Variants in MON2 observed in about 807,000 individuals in gnomAD.
MON2 encodes the protein MON2 regulator of endosome-to-Golgi trafficking, also known as protein MON2 homolog.
A neutral mutation model predicts 208.6 loss-of-function variants in MON2; 84 were observed. That is an observed-to-expected ratio of 0.40 (90% CI 0.34 to 0.48). The LOEUF is 0.48. Ranked by LOEUF, MON2 falls within the 20% of genes least tolerant of loss-of-function variation. The pLI is 0.59. For missense variants in MON2, 1,611 were observed against 2,015.4 expected, an observed-to-expected ratio of 0.80 and a Z score of 3.84; for synonymous variants, 660 against 694.0, an observed-to-expected ratio of 0.95 and a Z score of 0.77.
Position 62,537,657 on chromosome 12 carries a change from A to G in MON2, c.2069A>G (p.His690Arg), listed in dbSNP as rs747277566. ...MRTLLNLAHC[H>R]GAVLGTSWQL... The stretch of plus-strand genomic sequence containing the variant: ...ACTTTACTTAACTTGGCGCATTGCC[A>G]TGGGGCTGTTCTTGGAACATCATGG... Residue 690 changes from histidine to arginine, a missense_variant, in exon 16 of 35, where the codon CAT becomes CGT. Physicochemically the swap from His to Arg is conservative, Grantham distance 29 (BLOSUM62 0). Transcript: ENST00000393630. The G allele has an allele frequency of 3.7e-6, 6 of 1,613,522 alleles. No homozygotes were observed. The highest frequency in any genetic ancestry group is 1.6e-4 in the Middle Eastern group (1 of 6,080).
intron 2 of MON2, among the ~76,000 whole-genome samples, chr12:62,493,047 A>G (rs538261730): frequency 6.6e-6 from 1 of 151,960 alleles, no homozygotes; most frequent in Non-Finnish European, 1.5e-5. Flanking sequence ...ATACACACAC[A>G]CAAACACACA....
In MON2 at chr12:62,495,110, C is replaced by G; in HGVS notation, c.398C>G (p.Thr133Arg). Residue 133 changes from threonine to arginine, a missense_variant, in exon 4 of 35, where the codon ACA becomes AGA. Physicochemically the swap from Thr to Arg is moderately conservative, Grantham distance 71 (BLOSUM62 -1). Coordinates refer to ENST00000393630, the MANE Select transcript of MON2 (RefSeq NM_015026.3). ...CTTCAAACAGTTCTTGTTCTTTTAA[C>G]AACCAATACAGTAGTTCATGATGAG... ...KLLQTVLVLL[T>R]TNTVVHDEAL... 6.2e-7 allele frequency: 1 copy of G among 1,612,904 alleles called. No homozygotes were observed.
At chr12:62,544,184 C>A (rs1248675809) in intron 20 of MON2, among the ~76,000 whole-genome samples, 1 of 152,136 alleles carries the variant, frequency 6.6e-6, no homozygotes, top group Non-Finnish European at 1.5e-5. Flanking sequence ...GTAGCTCACA[C>A]CTATAATCCC....
At chr12:62,572,314 T>A (rs2074622509) in intron 30 of MON2, among the ~76,000 whole-genome samples, 1 of 152,246 alleles carries the variant, frequency 6.6e-6, no homozygotes, top group African/African-American at 2.4e-5. Context: ...ATTTCCATCA[T>A]CACAGAAAGT....
Position 62,566,310 on chromosome 12 carries a change from A to G in MON2, c.4195-12A>G. ...TTTATTTTTAACTGCATGTGAAAATATTACTTTCTAGGCGGAATGGGTAGC... is the reference window on the plus strand; with the variant it reads ...TTTATTTTTAACTGCATGTGAAAATGTTACTTTCTAGGCGGAATGGGTAGC... On this transcript the variant is annotated splice_polypyrimidine_tract_variant and intron_variant, in intron 28 of 34. Transcript: ENST00000393630. 1.3e-6 allele frequency: 2 copies of G among 1,599,252 alleles called. No individual in the cohort carries two copies. Among genetic ancestry groups the G allele is most frequent in the Non-Finnish European group, 1.7e-6 (2 of 1,175,500 alleles).
intron 7 of MON2, among the ~76,000 whole-genome samples, chr12:62,506,590 G>C (rs2071110483): frequency 6.6e-6 from 1 of 152,098 alleles, no homozygotes; most frequent in African/African-American, 2.4e-5. Context: ...GCCAGGTGTG[G>C]TGGCAGATGT....
intron 1 of MON2, among the ~76,000 whole-genome samples, chr12:62,477,010 C>T (rs1328932305): frequency 2.0e-5 from 3 of 151,986 alleles, no homozygotes; most frequent in Non-Finnish European, 2.9e-5. Context: ...ATTAGCTGGA[C>T]GTGGTGGTGT....
rs1313448379 is a variant in MON2, at chr12:62,598,151, A to T, written c.*5402A>T. The T allele has an allele frequency of 6.6e-6, 1 of 151,992 alleles. No individual in the cohort carries two copies. The highest frequency in any genetic ancestry group is 1.9e-4 in the East Asian group (1 of 5,178). 9.4% of individuals were successfully genotyped at this position (151,992 alleles called of 1,614,324 possible). On this transcript the variant is annotated 3_prime_UTR_variant, in exon 35 of 35. Transcript: ENST00000393630. ...AGTTCTCATATCTGAGTCTTTCTGGAGTGTATTTGGTGTCTGTGTGATTGG... is the reference window on the plus strand; with the variant it reads ...AGTTCTCATATCTGAGTCTTTCTGGTGTGTATTTGGTGTCTGTGTGATTGG...
chr12:62,481,186 C>G (rs2069405658), intron 1 of MON2, among the ~76,000 whole-genome samples: 1 of 152,106 alleles, frequency 6.6e-6, no homozygotes, highest in African/African-American at 2.4e-5. Context: ...TTGCTGTAGT[C>G]TCTTAAATTT....
intron 14 of MON2, among the ~76,000 whole-genome samples, chr12:62,536,309 A>G (rs79592165): frequency 6.6e-6 from 1 of 152,104 alleles, no homozygotes; most frequent in Admixed American, 6.5e-5. Context: ...TTCTTGTTGA[A>G]TTCTTTAAGA....
chr12:62,473,321 GGTGGAAA>G (rs1209912660), intron 1 of MON2, among the ~76,000 whole-genome samples: 2 of 16,568 alleles, frequency 1.2e-4, no homozygotes, highest in Non-Finnish European at 1.1e-4. Flanking sequence ...GCTGGAAAAT[GGTGGAAA>G]TGGTGGAAAT....
chr12:62,501,997 A>G (rs890652040), intron 7 of MON2, among the ~76,000 whole-genome samples: 1 of 152,126 alleles, frequency 6.6e-6, no homozygotes, highest in African/African-American at 2.4e-5. Context: ...CGAGGTGGGT[A>G]GGTCATGAGA....
At chr12:62,588,035 T>C (rs752496556) in intron 33 of MON2, 39 bp from the exon 34 acceptor site, 1 of 1,398,884 alleles carries the variant, frequency 7.1e-7, no homozygotes, top group African/African-American at 1.4e-5. Flanking sequence ...CTGGCAACTT[T>C]AAAATCTTAA....
chr12:62,569,290 T>C (rs76524644), intron 29 of MON2, among the ~76,000 whole-genome samples: 2,771 of 152,290 alleles, frequency 0.018, 88 homozygotes, highest in African/African-American at 0.063. Flanking sequence ...CTATATCACT[T>C]AGTATTCTTT....
chr12:62,492,653 G>A (rs1353511472), intron 2 of MON2, among the ~76,000 whole-genome samples: 1 of 146,236 alleles, frequency 6.8e-6, no homozygotes, highest in Admixed American at 6.7e-5. Context: ...TTACAGGCGT[G>A]AGCCACCGCG....
intron 11 of MON2, among the ~76,000 whole-genome samples, chr12:62,531,347 A>C (rs1362148347): frequency 6.6e-6 from 1 of 152,114 alleles, no homozygotes; most frequent in East Asian, 1.9e-4. Flanking sequence ...GTTTTTATAG[A>C]TTTAGCTCTT....
At chr12:62,478,202 G>C (rs191733898) in intron 1 of MON2, among the ~76,000 whole-genome samples, 39 of 151,730 alleles carry the variant, frequency 2.6e-4, no homozygotes, top group African/African-American at 9.2e-4. Flanking sequence ...TCTTCCCTTG[G>C]GAACATTTAT....
chr12:62,539,207 A>T (rs544639210), intron 19 of MON2, among the ~76,000 whole-genome samples: 52 of 152,252 alleles, frequency 3.4e-4, no homozygotes, highest in African/African-American at 1.2e-3. Flanking sequence ...TTAAAAGCTA[A>T]AATTTATATA....
intron 8 of MON2, among the ~76,000 whole-genome samples, chr12:62,522,322 T>C (rs986446369): frequency 7.9e-5 from 12 of 152,208 alleles, no homozygotes; most frequent in African/African-American, 1.2e-4. Context: ...TAACAAAAGA[T>C]CTCATCACTA....
Sources: gnomAD v4.1 joint callset for allele counts (sites outside exome capture counted in the v4.1 genomes callset) on GRCh38, gnomAD v4.1.1 for gene constraint, MANE v1.5 for transcripts, NCBI Gene and HGNC (gene_info 2026-07-23, HGNC 2026-07-21) for gene names.